Variants in CBLN2 observed in about 807,000 individuals in gnomAD.
The protein encoded by CBLN2 is cerebellin 2 precursor, also known as cerebellin-2.
In CBLN2, 7 loss-of-function variants were observed where a neutral mutation model predicts 15.0. The observed-to-expected ratio is 0.47, with a 90% confidence interval of 0.27 to 0.88. The LOEUF is 0.88. Among genes scored for constraint, CBLN2 ranks in the 40% least tolerant of loss-of-function variants. The pLI is 0.14. For missense variants in CBLN2, 242 were observed against 304.5 expected (o/e 0.79, Z 1.53); for synonymous variants, 149 against 135.2 (o/e 1.10, Z -0.71).
chr18:72,635,543 T>C (rs573728871), intron 1 of CBLN2, among the ~76,000 whole-genome samples: 2 of 152,300 alleles, frequency 1.3e-5, no homozygotes, highest in African/African-American at 4.8e-5. Context: ...AACTGACTTA[T>C]AACAATGTTT....
rs1026866466 is a variant in CBLN2 at position 72,551,409 on chromosome 18, A to G, written c.16-12637T>C. On this transcript the variant is annotated intron_variant, in intron 1 of 2. Transcript: ENST00000581073. ...CTGGGGTATAGCCAGAAGACTGGAC[A>G]CATTTTAATCCTGTGCTTCCTTTTG... 3.9e-5 allele frequency among the ~76,000 whole-genome samples: 6 copies of G among 152,302 alleles called. No individual in the cohort carries two copies. The East Asian group carries it at 1.2e-3, about 29-fold the overall frequency.
chr18:72,610,394 C>A (rs887460270), intron 1 of CBLN2, among the ~76,000 whole-genome samples: 3 of 152,148 alleles, frequency 2.0e-5, no homozygotes, highest in Non-Finnish European at 4.4e-5. Flanking sequence ...TCCTGATGAT[C>A]TTAACTTAAA....
chr18:72,546,604 T>C (rs1047691324), upstream of CBLN2, among the ~76,000 whole-genome samples: 1 of 152,218 alleles, frequency 6.6e-6, no homozygotes, highest in Non-Finnish European at 1.5e-5. Context: ...TTGTTGCTAT[T>C]ACTACTAGAA....
chr18:72,545,213 T>A (rs1024009404), upstream of CBLN2, among the ~76,000 whole-genome samples: 13 of 152,156 alleles, frequency 8.5e-5, no homozygotes, highest in Non-Finnish European at 1.8e-4. Flanking sequence ...CAAGGCATCA[T>A]CTCTAAGCAC....
intron 1 of CBLN2, among the ~76,000 whole-genome samples, chr18:72,624,173 A>G (rs2069718950): frequency 6.6e-6 from 1 of 152,026 alleles, no homozygotes; most frequent in Admixed American, 6.6e-5. Flanking sequence ...TTCAGAGATC[A>G]ATGAGGGTTA....
At chr18:72,607,972 T>A (rs1330528094) in intron 1 of CBLN2, among the ~76,000 whole-genome samples, 1 of 152,206 alleles carries the variant, frequency 6.6e-6, no homozygotes. Flanking sequence ...ACAGGCATAT[T>A]TAAAGGCATA....
At chr18:72,592,958 C>CT (rs1429485424) in intron 1 of CBLN2, among the ~76,000 whole-genome samples, 1 of 152,086 alleles carries the variant, frequency 6.6e-6, no homozygotes, top group South Asian at 2.1e-4. Flanking sequence ...CTCAGGATGA[C>CT]TTTGTCTATT....
At position 72,609,270 on chromosome 18, in the gene CBLN2, C is replaced by T. The variant is rs138618307; in HGVS notation, c.15+29055G>A. Reference sequence around the variant, plus strand: ...TATGTTGTATCTAAATCCACAGTACCTCAGATATGACTATAATTATAAATA... The same window carrying T: ...TATGTTGTATCTAAATCCACAGTACTTCAGATATGACTATAATTATAAATA... On this transcript the variant is annotated intron_variant, in intron 1 of 2. Transcript: ENST00000581073. 9.9e-4 allele frequency among the ~76,000 whole-genome samples: 151 copies of T among 152,132 alleles called. 1 individual carries two copies. The highest frequency in any genetic ancestry group is 3.6e-3 in the African/African-American group (150 of 41,480).
upstream of CBLN2, among the ~76,000 whole-genome samples, chr18:72,547,955 G>T (rs186590486): frequency 1.3e-5 from 2 of 152,098 alleles, no homozygotes; most frequent in Non-Finnish European, 2.9e-5. Flanking sequence ...TGTTCTGCTC[G>T]CTCTTACCAG....
At chr18:72,599,757 G>T (rs768991007) in intron 1 of CBLN2, among the ~76,000 whole-genome samples, 1 of 152,194 alleles carries the variant, frequency 6.6e-6, no homozygotes, top group Non-Finnish European at 1.5e-5. Flanking sequence ...AGGGTCAAGA[G>T]CACAAATGAT....
In CBLN2 at chr18:72,619,043, A is replaced by G. The variant is rs554490356; in HGVS notation, c.15+19282T>C. ...AGCAATTTTGGAGGTGGTGGAAGCT[A>G]CAGTGATTTTGGCAATTGCAACAGT... On this transcript the variant is annotated intron_variant, in intron 1 of 2. Transcript: ENST00000581073. 370 of 759,628 alleles carry G rather than the reference A, an allele frequency of 4.9e-4. 1 individual carries two copies. In the African/African-American group the frequency reaches 5.4e-3, roughly 11 times the overall value. 47.1% of individuals were successfully genotyped at this position (759,628 alleles called of 1,614,324 possible).
intron 1 of CBLN2, among the ~76,000 whole-genome samples, chr18:72,585,758 G>T (rs1367387392): frequency 6.6e-6 from 1 of 152,124 alleles, no homozygotes; most frequent in Non-Finnish European, 1.5e-5. Flanking sequence ...CGTACCAATG[G>T]ACACCTGAAG....
intron 4 of CBLN2, 85 bp from the exon 5 acceptor site, chr18:72,538,458 C>T (rs1023694857): frequency 3.4e-5 from 51 of 1,490,730 alleles, no homozygotes; most frequent in African/African-American, 6.9e-5. Flanking sequence ...ATCCCCACTC[C>T]CACCCCCATC....
intron 1 of CBLN2, chr18:72,620,117 G>A (rs1269277862): frequency 6.6e-6 from 1 of 152,340 alleles, no homozygotes; most frequent in Non-Finnish European, 1.5e-5. Context: ...AGCCCCAGAG[G>A]GTGTGCCACA....
intron 1 of CBLN2, among the ~76,000 whole-genome samples, chr18:72,612,530 T>C (rs958301738): frequency 2.0e-5 from 3 of 152,002 alleles, no homozygotes; most frequent in African/African-American, 7.3e-5. Context: ...TGGGGTCTTA[T>C]CTTGCTCTGT....
At chr18:72,581,144 A>G (rs896511745) in intron 1 of CBLN2, among the ~76,000 whole-genome samples, 7 of 152,182 alleles carry the variant, frequency 4.6e-5, no homozygotes, top group Non-Finnish European at 1.0e-4. Flanking sequence ...AAATCCTCAG[A>G]TATCTCTCCT....
At chr18:72,550,548 T>G (rs573880681) in intron 1 of CBLN2, among the ~76,000 whole-genome samples, 95 of 152,278 alleles carry the variant, frequency 6.2e-4, no homozygotes, top group Admixed American at 2.0e-3. Flanking sequence ...AAAAGCACTT[T>G]CATTAGTGAA....
upstream of CBLN2, among the ~76,000 whole-genome samples, chr18:72,544,788 C>A (rs1275685449): frequency 6.6e-6 from 1 of 151,916 alleles, no homozygotes; most frequent in African/African-American, 2.4e-5. Context: ...ATAAATGCTG[C>A]GGTGAGGTTA....
At chr18:72,545,689 T>C (rs1373537513), upstream of CBLN2, among the ~76,000 whole-genome samples, 1 of 152,192 alleles carries the variant, frequency 6.6e-6, no homozygotes. Flanking sequence ...AGTGTAAGCA[T>C]AGATAGCAAA....
Sources: gnomAD v4.1 joint callset for allele counts (sites outside exome capture counted in the v4.1 genomes callset) on GRCh38, gnomAD v4.1.1 for gene constraint, MANE v1.5 for transcripts, NCBI Gene and HGNC (gene_info 2026-07-23, HGNC 2026-07-21) for gene names.